The following PPARGC1A variants were observed in gnomAD, a reference collection of about 807,000 sequenced individuals.
The protein encoded by PPARGC1A is PPARG coactivator 1 alpha, also known as peroxisome proliferator-activated receptor gamma coactivator 1-alpha.
PPARGC1A carries 25 observed loss-of-function variants against 88.7 expected under a neutral mutation model. The ratio of observed to expected loss-of-function variants is 0.28; its 90% CI spans 0.21 to 0.39. The LOEUF is 0.39. Among genes scored for constraint, PPARGC1A ranks in the 10% least tolerant of loss-of-function variants. The pLI is 1.00. For missense variants in PPARGC1A, 880 were observed against 968.7 expected (o/e 0.91, Z 1.22); for synonymous variants, 363 against 355.6 (o/e 1.02, Z -0.24).
At chr4:23,934,345 A>G in the PPARGC1A span, among the ~76,000 whole-genome samples, 680 of 152,350 alleles carry the variant, frequency 4.5e-3, 7 homozygotes, top group African/African-American at 0.015. Context: ...CCACTGTGCT[A>G]TGCAGGATCA....
At chr4:23,872,432 G>A (rs1224658433) in intron 2 of PPARGC1A, among the ~76,000 whole-genome samples, 3 of 152,090 alleles carry the variant, frequency 2.0e-5, no homozygotes, top group Non-Finnish European at 2.9e-5. Flanking sequence ...CTGTCCCACT[G>A]CCCTGCATTT....
At chr4:24,247,563 A>G in the PPARGC1A span, among the ~76,000 whole-genome samples, 1 of 152,136 alleles carries the variant, frequency 6.6e-6, no homozygotes, top group African/African-American at 2.4e-5. Flanking sequence ...AATTTACGCC[A>G]AAGAGATCAG....
the PPARGC1A span, among the ~76,000 whole-genome samples, chr4:24,273,713 C>A: frequency 6.8e-6 from 1 of 147,130 alleles, no homozygotes; most frequent in Non-Finnish European, 1.5e-5. Flanking sequence ...TAGCTTTTGT[C>A]CCCTTGGGGC....
chr4:24,420,416 G>A, the PPARGC1A span, among the ~76,000 whole-genome samples: 3 of 152,098 alleles, frequency 2.0e-5, no homozygotes, highest in Non-Finnish European at 2.9e-5. Flanking sequence ...TTTCCGGCGC[G>A]TTGAAGGCAT....
the PPARGC1A span, among the ~76,000 whole-genome samples, chr4:24,377,862 T>C: frequency 1.3e-5 from 2 of 152,206 alleles, no homozygotes; most frequent in African/African-American, 4.8e-5. Context: ...CTGTGGAATA[T>C]TGTTCACAGT....
chr4:24,066,554 C>T, the PPARGC1A span, among the ~76,000 whole-genome samples: 10 of 152,234 alleles, frequency 6.6e-5, no homozygotes, highest in African/African-American at 2.2e-4. Context: ...GAGTCTGTTT[C>T]TCCGTCAGTG....
intron 2 of PPARGC1A, among the ~76,000 whole-genome samples, chr4:23,836,903 A>G (rs996177493): frequency 5.9e-5 from 9 of 152,178 alleles, no homozygotes; most frequent in African/African-American, 2.2e-4. Context: ...AGGGACTCTG[A>G]GATGCTAACT....
At chr4:23,895,294 G>T (rs1718413731) in intron 1 of PPARGC1A, among the ~76,000 whole-genome samples, 1 of 150,786 alleles carries the variant, frequency 6.6e-6, no homozygotes, top group African/African-American at 2.4e-5. Flanking sequence ...TCTCAAAAAG[G>T]TAACAATAAA....
the PPARGC1A span, among the ~76,000 whole-genome samples, chr4:24,468,677 GTTGT>G: frequency 3.3e-5 from 5 of 152,052 alleles, no homozygotes; most frequent in Admixed American, 6.5e-5. Flanking sequence ...CTGGGTTTTT[GTTGT>G]TTGTTTGTGT....
At chr4:24,457,317 G>A in the PPARGC1A span, among the ~76,000 whole-genome samples, 1 of 152,146 alleles carries the variant, frequency 6.6e-6, no homozygotes. Flanking sequence ...AGAAAGTCAA[G>A]TGAGAAAGAA....
chr4:23,826,448 C>T (rs1723947757), intron 5 of PPARGC1A, among the ~76,000 whole-genome samples: 1 of 152,086 alleles, frequency 6.6e-6, no homozygotes, highest in Admixed American at 6.6e-5. Flanking sequence ...CAACACACAA[C>T]CATGGCTAGA....
the PPARGC1A span, among the ~76,000 whole-genome samples, chr4:23,920,558 C>G: frequency 6.3e-4 from 96 of 152,262 alleles, 2 homozygotes; most frequent in South Asian, 0.018. Context: ...ATGCCTTTTA[C>G]CCCTGGGTGA....
At chr4:23,845,830 T>C (rs559553529) in intron 2 of PPARGC1A, among the ~76,000 whole-genome samples, 1 of 152,332 alleles carries the variant, frequency 6.6e-6, no homozygotes, top group Non-Finnish European at 1.5e-5. Context: ...CCAAAGCATC[T>C]GAGCAAGTTT....
chr4:24,439,066 T>A, the PPARGC1A span, among the ~76,000 whole-genome samples: 6 of 152,118 alleles, frequency 3.9e-5, 1 homozygote, highest in African/African-American at 1.4e-4. Flanking sequence ...AATTCCAGTA[T>A]CTCCTTCCCT....
intron 2 of PPARGC1A, among the ~76,000 whole-genome samples, chr4:23,869,304 A>G (rs1471083031): frequency 6.6e-6 from 1 of 152,198 alleles, no homozygotes; most frequent in Non-Finnish European, 1.5e-5. Context: ...AAGGATAAGC[A>G]TGAGAGAAAG....
intron 2 of PPARGC1A, among the ~76,000 whole-genome samples, chr4:23,870,502 T>C (rs1357389399): frequency 6.6e-6 from 1 of 152,226 alleles, no homozygotes; most frequent in Admixed American, 6.5e-5. Context: ...CATTATCTTT[T>C]TACTGTCACC....
At chr4:23,820,268 T>C (rs1577390748) in intron 7 of PPARGC1A, among the ~76,000 whole-genome samples, 1 of 152,244 alleles carries the variant, frequency 6.6e-6, no homozygotes, top group East Asian at 1.9e-4. Context: ...GAGAAAAAAA[T>C]TATGAAGGCC....
chr4:23,861,803 T>C (rs545749139), intron 2 of PPARGC1A, among the ~76,000 whole-genome samples: 1 of 152,346 alleles, frequency 6.6e-6, no homozygotes, highest in Non-Finnish European at 1.5e-5. Flanking sequence ...TGGGGAAATA[T>C]ACATATATTC....
At chr4:23,910,342 T>C in the PPARGC1A span, among the ~76,000 whole-genome samples, 2 of 56,252 alleles carry the variant, frequency 3.6e-5, no homozygotes, top group Admixed American at 2.5e-4. Context: ...TTATATATAT[T>C]ATATATTATA....
Sources: gnomAD v4.1 joint callset for allele counts (sites outside exome capture counted in the v4.1 genomes callset) on GRCh38, gnomAD v4.1.1 for gene constraint, MANE v1.5 for transcripts, NCBI Gene and HGNC (gene_info 2026-07-23, HGNC 2026-07-21) for gene names.